OSBPL3: variants seen among roughly 807,000 people sequenced by gnomAD.
OSBPL3 encodes oxysterol binding protein like 3, also known as oxysterol-binding protein-related protein 3.
Under a neutral mutation model 120.1 loss-of-function variants are expected in OSBPL3, and 65 were observed. That is an observed-to-expected ratio of 0.54 (90% CI 0.44 to 0.67). The LOEUF is 0.67. OSBPL3 is among the 30% of genes least tolerant of loss of function. The probability of loss-of-function intolerance (pLI) is 0.00; values close to 1 mark genes in which losing one functional copy is unlikely to be tolerated. For missense variants in OSBPL3, 1,004 were observed against 1,082.1 expected, an observed-to-expected ratio of 0.93 and a Z score of 1.01; for synonymous variants, 416 against 402.6, an observed-to-expected ratio of 1.03 and a Z score of -0.40.
chr7:24,868,308 C>T (rs1444196625), intron 5 of OSBPL3, among the ~76,000 whole-genome samples: 1 of 146,496 alleles, frequency 6.8e-6, no homozygotes, highest in Non-Finnish European at 1.5e-5. Context: ...TGGAGCAAGA[C>T]TCCGTCTCAA....
chr7:24,834,039 A>G lies in OSBPL3; in HGVS notation c.1746+447T>C. On this transcript the variant is annotated intron_variant, in intron 15 of 22. Transcript: ENST00000313367. This position sits in a 1 kb window ranked among gnomAD's most constrained non-coding sequence, Gnocchi z 5.2. Reference sequence around the variant, plus strand: ...TTATTTTCCAAAAACCTAGGAGCTGATGGGACAATTCCAGAAATAAACACA... The same window carrying G: ...TTATTTTCCAAAAACCTAGGAGCTGGTGGGACAATTCCAGAAATAAACACA... 4.3e-6 allele frequency: 4 copies of G among 930,624 alleles called. No homozygotes were observed. The highest frequency in any genetic ancestry group is 5.1e-6 in the Non-Finnish European group (4 of 779,332). 57.6% of individuals were successfully genotyped at this position (930,624 alleles called of 1,614,324 possible). A position where few individuals can be genotyped will look rare whatever the true frequency, so the allele number is the denominator to read the frequency against.
chr7:24,867,537 TGGTATTA>T lies in OSBPL3; in HGVS notation c.382-1307_382-1301del, dbSNP rs1362140072. ...GGTGCGTGGGTCTCGCAAGATCTGG[TGGTATTA>T]TAAAGTGGTGTTTCCCTGCACAAAC... On this transcript the variant is annotated intron_variant, in intron 5 of 22. Transcript: ENST00000313367. The surrounding 1 kb of genome is among the most constrained non-coding windows in gnomAD (Gnocchi z 4.5). 6.6e-6 allele frequency among the ~76,000 whole-genome samples: 1 copy of T among 152,120 alleles called. No individual in the cohort carries two copies. Among genetic ancestry groups the T allele is most frequent in the African/African-American group, 2.4e-5 (1 of 41,422 alleles).
chr7:24,900,328 T>C lies in OSBPL3; in HGVS notation c.-149-7707A>G, dbSNP rs1806804349. Among the ~76,000 whole-genome samples the C allele has an allele frequency of 6.6e-6, 1 of 152,208 alleles. No individual in the cohort carries two copies. Among genetic ancestry groups the C allele is most frequent in the Admixed American group, 6.5e-5 (1 of 15,274 alleles). ...TCGAGTAATGTTGTTTTATTTAACT[T>C]TGTTATTTAGAAGTTTGGTGATGTT... On this transcript the variant is annotated intron_variant, in intron 1 of 22. Coordinates refer to ENST00000313367, the MANE Select transcript of OSBPL3 (RefSeq NM_015550.4). The surrounding 1 kb of genome is among the most constrained non-coding windows in gnomAD (Gnocchi z 4.5).
intron 1 of OSBPL3, among the ~76,000 whole-genome samples, chr7:24,907,713 C>T (rs2128405421): frequency 6.6e-6 from 1 of 152,300 alleles, no homozygotes; most frequent in South Asian, 2.1e-4. Context: ...TTCTCAACCC[C>T]TCTCCCACCC....
At chr7:24,942,840 A>G (rs1361884127) in intron 1 of OSBPL3, among the ~76,000 whole-genome samples, 2 of 152,246 alleles carry the variant, frequency 1.3e-5, no homozygotes, top group Admixed American at 1.3e-4. Context: ...TCATGGCAGG[A>G]CAGGGCAAAC....
rs1480287578 is a variant in OSBPL3, at chr7:24,916,173, G to A, written c.-149-23552C>T. On this transcript the variant is annotated intron_variant, in intron 1 of 22. Coordinates refer to ENST00000313367, the MANE Select transcript of OSBPL3 (RefSeq NM_015550.4). This position sits in a 1 kb window ranked among gnomAD's most constrained non-coding sequence, Gnocchi z 4.9. ...AACCTAAGAGAACAAATACTCTTAT[G>A]CTACAGAATTACTTTTCAGAAGATG... Among the ~76,000 whole-genome samples, 5 of 152,150 alleles carry A rather than the reference G, an allele frequency of 3.3e-5. No individual in the cohort carries two copies. The highest frequency in any genetic ancestry group is 1.2e-4 in the African/African-American group (5 of 41,420).
At chr7:24,978,215 T>C (rs1181379174) in intron 1 of OSBPL3, among the ~76,000 whole-genome samples, 1 of 152,250 alleles carries the variant, frequency 6.6e-6, no homozygotes, top group Non-Finnish European at 1.5e-5. Context: ...CAAAAGTTCC[T>C]AGTATTGCTA....
rs1266908183 is a variant in OSBPL3, at chr7:24,896,357, C to T, written c.-149-3736G>A. 6.6e-6 allele frequency among the ~76,000 whole-genome samples: 1 copy of T among 152,214 alleles called. No individual in the cohort carries two copies. Among genetic ancestry groups the T allele is most frequent in the Non-Finnish European group, 1.5e-5 (1 of 68,046 alleles). ...GCTTCATTGTCTCTCACCACTGCCA[C>T]CCACCTTTGAGAAGCTGATGGGTCA... On this transcript the variant is annotated intron_variant, in intron 1 of 22. Transcript: ENST00000313367. The surrounding 1 kb of genome is among the most constrained non-coding windows in gnomAD (Gnocchi z 4.4).
chr7:24,843,853 G>A (rs1041436619), intron 12 of OSBPL3, among the ~76,000 whole-genome samples: 9 of 152,146 alleles, frequency 5.9e-5, no homozygotes, highest in African/African-American at 1.9e-4. Context: ...TGAAAACATC[G>A]TAAGGAATAG....
chr7:24,907,966 T>C (rs1359619479), intron 1 of OSBPL3, among the ~76,000 whole-genome samples: 1 of 152,238 alleles, frequency 6.6e-6, no homozygotes, highest in Non-Finnish European at 1.5e-5. Flanking sequence ...TTTATTCCCA[T>C]AGGAGACTTC....
In OSBPL3 at chr7:24,916,187, T is replaced by C. The variant is rs1202145673; in HGVS notation, c.-149-23566A>G. Among the ~76,000 whole-genome samples, 1 of 152,210 alleles carries C rather than the reference T, an allele frequency of 6.6e-6. No individual in the cohort carries two copies. Among genetic ancestry groups the C allele is most frequent in the Non-Finnish European group, 1.5e-5 (1 of 68,038 alleles). ...AATACTCTTATGCTACAGAATTACT[T>C]TTCAGAAGATGGACAATTTCTTTCC... is the stretch of plus-strand genomic sequence containing the variant. On this transcript the variant is annotated intron_variant, in intron 1 of 22. Transcript: ENST00000313367. This position sits in a 1 kb window ranked among gnomAD's most constrained non-coding sequence, Gnocchi z 4.9.
Position 24,863,248 on chromosome 7 carries a change from C to A in OSBPL3, c.822G>T (p.Arg274Ser), listed in dbSNP as rs1800828886. ...TGCCAATAGCTCTGGACCGCCACCT[C>A]CTGTGCGATCTTTTTTCCTTTTTGG... ...ESPKKEKRSH[R>S]RWRSRAIGKD... Residue 274 changes from arginine (R) to serine (S), a missense_variant, in exon 9 of 23, where the codon AGG (arginine) becomes AGT (serine). By Grantham distance (110) the Arg-to-Ser change is moderately radical. This residue lies in a region of OSBPL3 where 272 missense variants were observed against 248.8 expected (regional missense o/e 1.09). Coordinates refer to ENST00000313367, the MANE Select transcript of OSBPL3 (RefSeq NM_015550.4). This position sits in a 1 kb window ranked among gnomAD's most constrained non-coding sequence, Gnocchi z 5.8. The A allele has an allele frequency of 6.2e-7, 1 of 1,614,074 alleles. No homozygotes were observed. The highest frequency in any genetic ancestry group is 8.5e-7 in the Non-Finnish European group (1 of 1,180,014).
rs1196696140 is a variant in OSBPL3 at position 24,820,508 on chromosome 7, TGAG to T, written c.1885-273_1885-271del. Reference sequence around the variant, plus strand: ...GGGAGGGCGGCCAGGTGGCGAGTGATGAGGATAGAGGCGCATTTTGAAAGACAT... The same window carrying T: ...GGGAGGGCGGCCAGGTGGCGAGTGATGATAGAGGCGCATTTTGAAAGACAT... On this transcript the variant is annotated intron_variant, in intron 16 of 22. Coordinates refer to ENST00000313367, the MANE Select transcript of OSBPL3 (RefSeq NM_015550.4). This position sits in a 1 kb window ranked among gnomAD's most constrained non-coding sequence, Gnocchi z 4.6. Among the ~76,000 whole-genome samples, 1 of 151,570 alleles carries T rather than the reference TGAG, an allele frequency of 6.6e-6. No homozygotes were observed. The highest frequency in any genetic ancestry group is 1.5e-5 in the Non-Finnish European group (1 of 67,988).
chr7:24,923,648 C>T (rs1489926674), intron 1 of OSBPL3, among the ~76,000 whole-genome samples: 2 of 152,172 alleles, frequency 1.3e-5, no homozygotes, highest in South Asian at 4.1e-4. Context: ...GGCACAGAGA[C>T]AGGCAGACAG....
intron 1 of OSBPL3, among the ~76,000 whole-genome samples, chr7:24,925,439 G>GT (rs1252281601): frequency 1.3e-5 from 2 of 152,190 alleles, no homozygotes. Flanking sequence ...ACCCAATACA[G>GT]TTTCCCCATC....
At chr7:24,914,158 A>G (rs1241154821) in intron 1 of OSBPL3, among the ~76,000 whole-genome samples, 6 of 152,112 alleles carry the variant, frequency 3.9e-5, no homozygotes, top group Non-Finnish European at 8.8e-5. Flanking sequence ...GATTGAAAGT[A>G]GAGGTAACAA....
chr7:24,889,713 G>A (rs1012340587), intron 2 of OSBPL3, among the ~76,000 whole-genome samples: 3 of 152,170 alleles, frequency 2.0e-5, no homozygotes, highest in Non-Finnish European at 2.9e-5. Flanking sequence ...TGTTTCTGAG[G>A]GCTAATGAGG....
At chr7:24,902,736 A>AT (rs60705570) in intron 1 of OSBPL3, among the ~76,000 whole-genome samples, 1 of 149,430 alleles carries the variant, frequency 6.7e-6, no homozygotes, top group Non-Finnish European at 1.5e-5. Context: ...AATAATAATA[A>AT]AGAAAGGACT....
chr7:24,907,588 C>T (rs1421337889), intron 1 of OSBPL3, among the ~76,000 whole-genome samples: 1 of 152,188 alleles, frequency 6.6e-6, no homozygotes, highest in Admixed American at 6.5e-5. Context: ...TCCCTTTCTC[C>T]TAGTGAGTCC....
Sources: allele counts gnomAD v4.1 joint callset (sites outside exome capture counted in the v4.1 genomes callset), GRCh38; gene constraint gnomAD v4.1.1; regional missense constraint gnomAD v4.1.1; non-coding constraint Gnocchi (gnomAD v3.1); transcripts MANE v1.5; gene names NCBI Gene and HGNC (gene_info 2026-07-23, HGNC 2026-07-21).